Variants in PHIP observed in about 807,000 individuals in gnomAD.
The protein encoded by PHIP is PHIP subunit of CUL4-Ring ligase complex.
PHIP carries 54 observed loss-of-function variants against 236.8 expected under a neutral mutation model. That is an observed-to-expected ratio of 0.23 (90% CI 0.18 to 0.29). PHIP has a LOEUF of 0.29. Among genes scored for constraint, PHIP ranks in the 10% least tolerant of loss-of-function variants. The probability of loss-of-function intolerance (pLI) is 1.00; values close to 1 mark genes in which losing one functional copy is unlikely to be tolerated. For missense variants in PHIP, 1,370 were observed against 2,190.8 expected, an observed-to-expected ratio of 0.63 and a Z score of 7.48; for synonymous variants, 756 against 718.9, an observed-to-expected ratio of 1.05 and a Z score of -0.83.
At chr6:79,015,257 AAAAG>A (rs1201666096) in intron 14 of PHIP, 41 bp from the exon 15 acceptor site, 3 of 1,462,122 alleles carry the variant, frequency 2.1e-6, no homozygotes, top group Non-Finnish European at 2.9e-6. Context: ...TAGATATTAA[AAAAG>A]AAAGAAAAAC....
In PHIP at chr6:79,077,840, C is replaced by T. The variant is rs1161519114; in HGVS notation, c.99+15G>A. On this transcript the variant is annotated intron_variant, in intron 2 of 39. Transcript: ENST00000275034. ...CGGCGAGCGCCGGCCCGGCCCGCGC[C>T]GCGCGCCGCCGTACCTGAGCCGCCT... 2 of 1,443,956 alleles carry T rather than the reference C, an allele frequency of 1.4e-6. No individual in the cohort carries two copies. The highest frequency in any genetic ancestry group is 1.8e-6 in the Non-Finnish European group (2 of 1,094,120). The allele number at this position is 1,443,956 out of a possible 1,614,324, so 89.4% of individuals were successfully genotyped here.
intron 37 of PHIP, 115 bp downstream of exon 37, chr6:78,946,596 C>A: frequency 1.4e-6 from 2 of 1,424,228 alleles, no homozygotes; most frequent in Non-Finnish European, 1.8e-6. Context: ...ACTTGCATGT[C>A]AAATTATCAT....
intron 4 of PHIP, among the ~76,000 whole-genome samples, chr6:79,068,398 G>A (rs1206235413): frequency 6.6e-6 from 1 of 152,180 alleles, no homozygotes; most frequent in South Asian, 2.1e-4. Context: ...TGGAGACAGA[G>A]GTTGCAGTGA....
chr6:79,042,036 C>G (rs1772244499), intron 7 of PHIP, among the ~76,000 whole-genome samples: 1 of 152,132 alleles, frequency 6.6e-6, no homozygotes. Context: ...TTAACTTCCA[C>G]TTCAAATTTT....
intron 7 of PHIP, among the ~76,000 whole-genome samples, chr6:79,036,886 C>T (rs2041328444): frequency 7.8e-6 from 1 of 127,754 alleles, no homozygotes; most frequent in South Asian, 2.7e-4. Context: ...GGTGCCACTG[C>T]ACTCCAGCCT....
Position 79,035,814 on chromosome 6 carries a change from T to C in PHIP, c.600+7029A>G, listed in dbSNP as rs1448164321. Among the ~76,000 whole-genome samples the C allele has an allele frequency of 2.0e-5, 3 of 152,202 alleles. No individual in the cohort carries two copies. In the East Asian group the frequency reaches 5.8e-4, roughly 29 times the overall value. On this transcript the variant is annotated intron_variant, in intron 7 of 39. Coordinates refer to ENST00000275034, the MANE Select transcript of PHIP (RefSeq NM_017934.7). ...TACAATTTAAATTTGGTTCAATTTTTTTCTAGGTCATTTATTTTCTTTCTT... is the reference window on the plus strand; with the variant it reads ...TACAATTTAAATTTGGTTCAATTTTCTTCTAGGTCATTTATTTTCTTTCTT...
At chr6:79,033,219 A>C (rs1000531818) in intron 7 of PHIP, among the ~76,000 whole-genome samples, 2 of 152,356 alleles carry the variant, frequency 1.3e-5, no homozygotes, top group African/African-American at 4.8e-5. Context: ...GAATTTAAAA[A>C]ATGGTAAATG....
intron 24 of PHIP, 56 bp from the exon 25 acceptor site, chr6:78,970,944 A>G: frequency 8.6e-7 from 1 of 1,157,634 alleles, no homozygotes; most frequent in Non-Finnish European, 1.2e-6. Flanking sequence ...AATCCAATAT[A>G]CAGGGTATCA....
chr6:79,009,792 T>A (rs1222652841), intron 15 of PHIP, among the ~76,000 whole-genome samples: 1 of 152,024 alleles, frequency 6.6e-6, no homozygotes, highest in African/African-American at 2.4e-5. Flanking sequence ...TTACCACATA[T>A]AATGCAGTGT....
intron 9 of PHIP, among the ~76,000 whole-genome samples, chr6:79,020,708 G>A (rs1319900269): frequency 6.6e-6 from 1 of 152,144 alleles, no homozygotes; most frequent in African/African-American, 2.4e-5. Context: ...TCCCATGTTC[G>A]CTACAACACT....
intron 7 of PHIP, among the ~76,000 whole-genome samples, chr6:79,036,709 C>T (rs1477449116): frequency 6.6e-6 from 1 of 151,898 alleles, no homozygotes; most frequent in Non-Finnish European, 1.5e-5. Context: ...ATCATGAGGT[C>T]AGGAGATCGA....
In PHIP at chr6:79,017,501, T is replaced by C. The variant is rs1162664761; in HGVS notation, c.1077A>G (p.Ser359=). Residue 359 remains serine (S), a synonymous_variant, in exon 11 of 40, where the codon TCA becomes TCG. Coordinates refer to ENST00000275034, the MANE Select transcript of PHIP (RefSeq NM_017934.7). ...TACTTACAGTATGAAACTCCAATTC[T>C]GATATTTTCTCTGGCTGACCTGATC... ...FFGSGQPEKI[S]ELEFHTDKVD... 2 of 1,610,244 alleles carry C rather than the reference T, an allele frequency of 1.2e-6. No homozygotes were observed. The highest frequency in any genetic ancestry group is 1.3e-5 in the African/African-American group (1 of 74,828).
rs1188108470 is a variant in PHIP at position 79,015,632 on chromosome 6, T to C, written c.1387A>G (p.Met463Val). 6.3e-7 allele frequency: 1 copy of C among 1,594,728 alleles called. No homozygotes were observed. The highest frequency in any genetic ancestry group is 8.6e-7 in the Non-Finnish European group (1 of 1,169,180). Reference sequence around the variant, plus strand: ...TAAAGATTAGAATTTTTTCTCACCATCAGGACATGAATTAGTTGACCAGTG... The same window carrying C: ...TAAAGATTAGAATTTTTTCTCACCACCAGGACATGAATTAGTTGACCAGTG... ...SYTGQLIHVL[M>V]GHEDEVFVLE... Residue 463 changes from methionine (M) to valine (V), a missense_variant and splice_region_variant, in exon 14 of 40, where the codon ATG (methionine) becomes GTG (valine). Physicochemically the swap from Met to Val is conservative, Grantham distance 21. Transcript: ENST00000275034.
At chr6:78,999,963 C>G (rs1486766034) in intron 17 of PHIP, among the ~76,000 whole-genome samples, 2 of 151,812 alleles carry the variant, frequency 1.3e-5, no homozygotes, top group Non-Finnish European at 2.9e-5. Flanking sequence ...TCTGATATAG[C>G]TCAAGTTTAC....
chr6:79,035,696 A>G (rs1771898757), intron 7 of PHIP, among the ~76,000 whole-genome samples: 1 of 152,202 alleles, frequency 6.6e-6, no homozygotes. Context: ...ATGAATGCCA[A>G]AAATGTTGTC....
Position 78,939,900 on chromosome 6 carries a change from C to T in PHIP, c.*793G>A, listed in dbSNP as rs1773401638. The T allele has an allele frequency of 6.6e-6, 1 of 152,356 alleles. No individual in the cohort carries two copies. Among genetic ancestry groups the T allele is most frequent in the Admixed American group, 6.6e-5 (1 of 15,228 alleles). The allele number at this position is 152,356 out of a possible 1,614,324, so 9.4% of individuals were successfully genotyped here. On this transcript the variant is annotated 3_prime_UTR_variant, in exon 40 of 40. Coordinates refer to ENST00000275034, the MANE Select transcript of PHIP (RefSeq NM_017934.7). The stretch of plus-strand genomic sequence containing the variant: ...TGCTCTTTAGAATATATAGCCTTTC[C>T]AATATTGAAAAGTGTATGCTGTCCT...
At chr6:79,064,892 A>G (rs757927947) in intron 4 of PHIP, among the ~76,000 whole-genome samples, 7 of 152,274 alleles carry the variant, frequency 4.6e-5, no homozygotes, top group South Asian at 2.1e-4. Flanking sequence ...AGAGCCCCAA[A>G]GCATCTGAAA....
chr6:78,978,847 C>T, intron 23 of PHIP, 136 bp from the exon 24 acceptor site: 2 of 572,346 alleles, frequency 3.5e-6, no homozygotes, highest in Non-Finnish European at 2.7e-6. Context: ...ATACAGTTGG[C>T]CCTGTGTATC....
chr6:79,068,209 T>G (rs1385285021), intron 4 of PHIP: 1 of 152,328 alleles, frequency 6.6e-6, no homozygotes, highest in Non-Finnish European at 1.5e-5. Context: ...ATGCCTGTAA[T>G]CCCAGCACTT....
Sources: gnomAD v4.1 joint callset for allele counts (sites outside exome capture counted in the v4.1 genomes callset) on GRCh38, gnomAD v4.1.1 for gene constraint, MANE v1.5 for transcripts, NCBI Gene and HGNC (gene_info 2026-07-23, HGNC 2026-07-21) for gene names.